Variants in CELF2 observed in about 807,000 individuals in gnomAD.
CELF2 encodes CUG triplet repeat RNA-binding protein 2.
A neutral mutation model predicts 62.6 loss-of-function variants in CELF2; 8 were observed. The ratio of observed to expected loss-of-function variants is 0.13; its 90% CI spans 0.07 to 0.23. The LOEUF (loss-of-function observed/expected upper bound fraction) is 0.23, where lower values mean the gene tolerates loss of function less well. CELF2 is among the 10% of genes least tolerant of loss of function. CELF2 has a pLI of 1.00. For missense variants in CELF2, 333 were observed against 671.0 expected (o/e 0.50, Z 5.56); for synonymous variants, 258 against 250.0 (o/e 1.03, Z -0.30).
At chr10:11,027,821 C>T (rs545535781) in intron 1 of CELF2, among the ~76,000 whole-genome samples, 18 of 152,148 alleles carry the variant, frequency 1.2e-4, no homozygotes, top group Non-Finnish European at 2.6e-4. Flanking sequence ...GTCAAGATTC[C>T]TCGTCTAGAA....
At chr10:10,824,209 T>C (rs1343184319) in intron 1 of CELF2, among the ~76,000 whole-genome samples, 4 of 152,252 alleles carry the variant, frequency 2.6e-5, no homozygotes, top group Admixed American at 2.6e-4. Context: ...GCAAGAACTT[T>C]ACGAAAGCCT....
chr10:10,805,537 G>A (rs1400327330), intron 1 of CELF2, among the ~76,000 whole-genome samples: 1 of 152,176 alleles, frequency 6.6e-6, no homozygotes, highest in Non-Finnish European at 1.5e-5. Context: ...GGAGCTTTAC[G>A]AGGCGGGCAC....
At chr10:11,014,389 G>T (rs2056932068), upstream of CELF2, among the ~76,000 whole-genome samples, 1 of 152,212 alleles carries the variant, frequency 6.6e-6, no homozygotes, top group Non-Finnish European at 1.5e-5. Context: ...ATACAAGGTT[G>T]TCTGCACGAG....
intron 1 of CELF2, among the ~76,000 whole-genome samples, chr10:10,814,282 C>G (rs2056236024): frequency 7.0e-6 from 1 of 143,258 alleles, no homozygotes; most frequent in South Asian, 2.3e-4. Context: ...AGAAAGGCAG[C>G]TGGGATCATT....
chr10:10,956,825 T>C (rs2048956943), intron 2 of CELF2, among the ~76,000 whole-genome samples: 3 of 151,972 alleles, frequency 2.0e-5, no homozygotes, highest in Admixed American at 2.0e-4. Flanking sequence ...TCCCAGCTAT[T>C]TGGGAGGCTG....
chr10:11,157,816 C>T lies in CELF2; in HGVS notation c.75-7670C>T, dbSNP rs974336294. On this transcript the variant is annotated intron_variant, in intron 1 of 12. Transcript: ENST00000633077. This position sits in a 1 kb window ranked among gnomAD's most constrained non-coding sequence, Gnocchi z 4.9. ...GTGTAGAGAGGGTTGTGAATCCGCA[C>T]TGACCGTGTTCTCTTGCATAAATAA... Among the ~76,000 whole-genome samples the T allele has an allele frequency of 6.6e-6, 1 of 152,240 alleles. No homozygotes were observed. The highest frequency in any genetic ancestry group is 1.5e-5 in the Non-Finnish European group (1 of 68,044).
the CELF2 span, among the ~76,000 whole-genome samples, chr10:10,724,947 G>A: frequency 4.0e-5 from 5 of 125,234 alleles, no homozygotes; most frequent in Non-Finnish European, 7.3e-5. Context: ...ATTTTTAGTT[G>A]AGTCATAAAA....
chr10:10,888,071 C>G (rs951441662), intron 1 of CELF2, among the ~76,000 whole-genome samples: 2 of 152,102 alleles, frequency 1.3e-5, no homozygotes, highest in African/African-American at 4.8e-5. Flanking sequence ...CCGCACCCAG[C>G]CTGTGTAGAC....
At chr10:10,955,924 A>G (rs1053917031) in intron 2 of CELF2, among the ~76,000 whole-genome samples, 4 of 152,210 alleles carry the variant, frequency 2.6e-5, no homozygotes, top group Non-Finnish European at 5.9e-5. Context: ...GCCCGACCAC[A>G]ATAGTTTAAA....
intron 11 of CELF2, among the ~76,000 whole-genome samples, chr10:11,323,364 ATCT>A (rs1286443785): frequency 1.3e-5 from 2 of 151,504 alleles, no homozygotes; most frequent in Admixed American, 1.3e-4. Flanking sequence ...AATTTAAACC[ATCT>A]TCTTATTAGT....
At chr10:10,516,143 GA>G in the CELF2 span, among the ~76,000 whole-genome samples, 2 of 152,076 alleles carry the variant, frequency 1.3e-5, no homozygotes, top group African/African-American at 4.8e-5. Flanking sequence ...ACAAACAAAA[GA>G]AAAAACCCTA....
At chr10:10,984,334 C>T (rs147697549) in intron 2 of CELF2, among the ~76,000 whole-genome samples, 1 of 152,174 alleles carries the variant, frequency 6.6e-6, no homozygotes, top group South Asian at 2.1e-4. Context: ...GCAATGCAGG[C>T]TGCCAAGTAG....
At chr10:11,272,082 C>T (rs1358570883) in intron 7 of CELF2, among the ~76,000 whole-genome samples, 1 of 152,134 alleles carries the variant, frequency 6.6e-6, no homozygotes, top group African/African-American at 2.4e-5. Flanking sequence ...GTGCCCAGTG[C>T]CCAGTGGGGT....
At chr10:10,570,014 G>C in the CELF2 span, among the ~76,000 whole-genome samples, 2 of 152,146 alleles carry the variant, frequency 1.3e-5, no homozygotes, top group East Asian at 3.9e-4. Flanking sequence ...GAGTGCACTG[G>C]CTTCCCAACC....
At chr10:10,696,256 C>T in the CELF2 span, among the ~76,000 whole-genome samples, 1 of 151,792 alleles carries the variant, frequency 6.6e-6, no homozygotes, top group Admixed American at 6.6e-5. Context: ...GTTGGAGTAC[C>T]CTGCCGTGTG....
intron 1 of CELF2, among the ~76,000 whole-genome samples, chr10:10,869,198 T>G (rs1490755628): frequency 1.3e-5 from 2 of 152,156 alleles, no homozygotes; most frequent in Non-Finnish European, 2.9e-5. Context: ...AGAGAAAAAG[T>G]CCATGTAAAT....
At chr10:11,197,044 A>G (rs868288141) in intron 2 of CELF2, among the ~76,000 whole-genome samples, 7,945 of 56,960 alleles carry the variant, frequency 0.14, 2,950 homozygotes, top group Non-Finnish European at 0.17. Flanking sequence ...AAAGAAAGAA[A>G]GAAAGAAAGA....
At chr10:10,787,366 AT>A in the CELF2 span, among the ~76,000 whole-genome samples, 9 of 152,146 alleles carry the variant, frequency 5.9e-5, no homozygotes, top group Non-Finnish European at 1.0e-4. Flanking sequence ...AACAATTTTC[AT>A]TTTTGCTTTT....
the CELF2 span, among the ~76,000 whole-genome samples, chr10:10,758,770 A>T: frequency 6.6e-6 from 1 of 152,262 alleles, no homozygotes; most frequent in Admixed American, 6.5e-5. Context: ...GACAGATTTG[A>T]GTGCATTTAA....
Sources: allele counts gnomAD v4.1 joint callset (sites outside exome capture counted in the v4.1 genomes callset), GRCh38; gene constraint gnomAD v4.1.1; non-coding constraint Gnocchi (gnomAD v3.1); transcripts MANE v1.5; gene names NCBI Gene and HGNC (gene_info 2026-07-23, HGNC 2026-07-21).